FAM81B: variants seen among roughly 807,000 people sequenced by gnomAD.
FAM81B encodes the protein protein FAM81B.
FAM81B carries 60 observed loss-of-function variants against 58.7 expected under a neutral mutation model. That is an observed-to-expected ratio of 1.02 (90% CI 0.83 to 1.27). FAM81B has a LOEUF of 1.27. Among genes scored for constraint, FAM81B ranks in the 50% most tolerant of loss-of-function variants. The pLI is 0.00. For synonymous variants in FAM81B, 189 were observed against 179.6 expected, an observed-to-expected ratio of 1.05 and a Z score of -0.42; for missense variants, 491 against 522.0, an observed-to-expected ratio of 0.94 and a Z score of 0.58.
At chr5:95,394,113 GTATCTT>G (rs1761902900) in intron 2 of FAM81B, among the ~76,000 whole-genome samples, 1 of 152,084 alleles carries the variant, frequency 6.6e-6, no homozygotes, top group African/African-American at 2.4e-5. Context: ...TTTTTATTCT[GTATCTT>G]TAACTTTTCT....
intron 3 of FAM81B, among the ~76,000 whole-genome samples, chr5:95,402,380 T>A (rs1482144774): frequency 6.6e-6 from 1 of 152,230 alleles, no homozygotes; most frequent in Non-Finnish European, 1.5e-5. Context: ...CATCATTTGG[T>A]GCTTCATTAA....
intron 7 of FAM81B, among the ~76,000 whole-genome samples, chr5:95,438,368 T>C (rs1745186713): frequency 6.6e-6 from 1 of 152,134 alleles, no homozygotes; most frequent in South Asian, 2.1e-4. Context: ...AAGAATTGAC[T>C]GTATAGGGAA....
At chr5:95,423,492 G>A (rs754461759) in intron 5 of FAM81B, among the ~76,000 whole-genome samples, 10 of 145,512 alleles carry the variant, frequency 6.9e-5, no homozygotes, top group Non-Finnish European at 1.2e-4. Context: ...AGTCAGAGGC[G>A]AACTCTCTAG....
At chr5:95,444,619 C>T (rs923123918) in intron 7 of FAM81B, among the ~76,000 whole-genome samples, 7 of 151,992 alleles carry the variant, frequency 4.6e-5, no homozygotes, top group African/African-American at 7.3e-5. Context: ...ACTAAGAACA[C>T]GAATAGAAAC....
At chr5:95,396,307 G>T (rs765077323) in intron 3 of FAM81B, 132 bp downstream of exon 3, 11 of 630,436 alleles carry the variant, frequency 1.7e-5, no homozygotes, top group Non-Finnish European at 2.7e-5. Flanking sequence ...AAACCTTTAA[G>T]TTCTCTGCAT....
At position 95,429,817 on chromosome 5, in the gene FAM81B, G is replaced by A. The variant is rs146741825; in HGVS notation, c.786+1085G>A. Among the ~76,000 whole-genome samples the A allele has an allele frequency of 7.8e-3, 1,190 of 152,284 alleles. 8 individuals carry two copies. The highest frequency in any genetic ancestry group is 1.0e-2 in the Non-Finnish European group (677 of 67,998). ...TATCCTGGAAATGTCTTTGCTGTTT[G>A]CTGCTGGCTATTGGTTAGAAATATT... On this transcript the variant is annotated intron_variant, in intron 6 of 9. Transcript: ENST00000283357.
intron 4 of FAM81B, 56 bp from the exon 5 acceptor site, chr5:95,420,228 T>G: frequency 1.2e-6 from 2 of 1,606,712 alleles, no homozygotes; most frequent in Non-Finnish European, 1.7e-6. Context: ...CTTTAAATGA[T>G]GTTTCCTTAT....
chr5:95,426,310 G>A (rs1315467468), intron 5 of FAM81B, among the ~76,000 whole-genome samples: 1 of 151,972 alleles, frequency 6.6e-6, no homozygotes, highest in East Asian at 1.9e-4. Flanking sequence ...CATTCTAAAG[G>A]AGGAGGAGGC....
At chr5:95,422,169 G>A (rs1354014207) in intron 5 of FAM81B, among the ~76,000 whole-genome samples, 1 of 152,010 alleles carries the variant, frequency 6.6e-6, no homozygotes, top group East Asian at 1.9e-4. Flanking sequence ...TAGTTCTGGA[G>A]TGTGACTTCA....
intron 5 of FAM81B, among the ~76,000 whole-genome samples, chr5:95,425,368 C>T (rs982099477): frequency 3.3e-5 from 5 of 152,070 alleles, no homozygotes; most frequent in Admixed American, 1.3e-4. Context: ...AAGCAAGTCT[C>T]ATAAAAAAGG....
chr5:95,432,903 T>C (rs1031201622), intron 6 of FAM81B, among the ~76,000 whole-genome samples: 1 of 152,178 alleles, frequency 6.6e-6, no homozygotes, highest in African/African-American at 2.4e-5. Context: ...TCTTTTCTTT[T>C]TCCTTGCCTG....
At chr5:95,407,313 C>A (rs1762276471) in intron 3 of FAM81B, among the ~76,000 whole-genome samples, 1 of 151,286 alleles carries the variant, frequency 6.6e-6, no homozygotes, top group African/African-American at 2.4e-5. Context: ...CCAGCTCAGG[C>A]AATCTCATTT....
intron 3 of FAM81B, among the ~76,000 whole-genome samples, chr5:95,412,122 C>A (rs1158153286): frequency 6.6e-6 from 1 of 151,228 alleles, no homozygotes; most frequent in Non-Finnish European, 1.5e-5. Flanking sequence ...ATTTTGAAGT[C>A]TTGCATGGCA....
At chr5:95,399,868 T>C (rs1328631474) in intron 3 of FAM81B, among the ~76,000 whole-genome samples, 1 of 152,116 alleles carries the variant, frequency 6.6e-6, no homozygotes, top group African/African-American at 2.4e-5. Flanking sequence ...CTTTCTCCTC[T>C]GAGAAAAGTG....
intron 7 of FAM81B, among the ~76,000 whole-genome samples, chr5:95,438,363 T>C (rs141689011): frequency 2.0e-5 from 3 of 152,242 alleles, no homozygotes; most frequent in East Asian, 1.9e-4. Context: ...AGATTAAGAA[T>C]TGACTGTATA....
intron 3 of FAM81B, among the ~76,000 whole-genome samples, chr5:95,405,281 TCTG>T (rs1159167091): frequency 1.3e-5 from 2 of 152,216 alleles, no homozygotes; most frequent in Admixed American, 1.3e-4. Context: ...GATTTTGGAA[TCTG>T]TGAGTTTCAA....
At chr5:95,395,393 A>G (rs1002041843) in intron 2 of FAM81B, among the ~76,000 whole-genome samples, 2 of 146,272 alleles carry the variant, frequency 1.4e-5, no homozygotes, top group Non-Finnish European at 3.0e-5. Flanking sequence ...CAGTGAGTGG[A>G]GATTGCGCCA....
At chr5:95,412,744 G>A (rs1252287737) in intron 3 of FAM81B, among the ~76,000 whole-genome samples, 1 of 152,108 alleles carries the variant, frequency 6.6e-6, no homozygotes, top group African/African-American at 2.4e-5. Flanking sequence ...TGTTTATAAA[G>A]TGCTTTACTT....
intron 5 of FAM81B, among the ~76,000 whole-genome samples, chr5:95,425,138 A>G (rs1762789375): frequency 6.6e-6 from 1 of 151,924 alleles, no homozygotes; most frequent in South Asian, 2.1e-4. Context: ...TATAGAACTA[A>G]TAGAAGGCCC....
Sources: gnomAD v4.1 joint callset for allele counts (sites outside exome capture counted in the v4.1 genomes callset) on GRCh38, gnomAD v4.1.1 for gene constraint, MANE v1.5 for transcripts, NCBI Gene and HGNC (gene_info 2026-07-23, HGNC 2026-07-21) for gene names.